The following CCDC171 variants were observed in gnomAD, a reference collection of about 807,000 sequenced individuals.
The protein encoded by CCDC171 is coiled-coil domain-containing protein 171.
CCDC171 carries 177 observed loss-of-function variants against 168.2 expected under a neutral mutation model. The ratio of observed to expected loss-of-function variants is 1.05; its 90% CI spans 0.93 to 1.19. The LOEUF (loss-of-function observed/expected upper bound fraction) is 1.19, where lower values mean the gene tolerates loss of function less well. Among genes scored for constraint, CCDC171 ranks in the 50% most tolerant of loss-of-function variants. The pLI, the probability that CCDC171 is intolerant of heterozygous loss-of-function variation, is 0.00. For missense variants in CCDC171, 1,991 were observed against 1,539.0 expected (o/e 1.29, Z -4.91); for synonymous variants, 687 against 540.8 (o/e 1.27, Z -3.75).
chr9:15,616,820 A>G (rs543865349), intron 6 of CCDC171, among the ~76,000 whole-genome samples: 1 of 152,334 alleles, frequency 6.6e-6, no homozygotes, highest in Non-Finnish European at 1.5e-5. Context: ...GAGATTACAT[A>G]AGGTTGTTCA....
chr9:15,641,910 T>A (rs1236028202), intron 7 of CCDC171, among the ~76,000 whole-genome samples: 1 of 152,190 alleles, frequency 6.6e-6, no homozygotes, highest in African/African-American at 2.4e-5. Flanking sequence ...ACGCCTGTAA[T>A]CCCAGCACTT....
intron 21 of CCDC171, among the ~76,000 whole-genome samples, chr9:15,801,410 T>G (rs2058813678): frequency 6.6e-6 from 1 of 152,072 alleles, no homozygotes; most frequent in Non-Finnish European, 1.5e-5. Flanking sequence ...TTGTTTTATT[T>G]CAGATTGTTT....
At chr9:16,042,168 A>T (rs1564132280), upstream of CCDC171, among the ~76,000 whole-genome samples, 1 of 152,298 alleles carries the variant, frequency 6.6e-6, no homozygotes, top group Middle Eastern at 3.4e-3. Context: ...GCCTCTCTGG[A>T]ATAGTAAGCT....
chr9:16,026,555 A>G (rs564696579), intron 6 of CCDC171, among the ~76,000 whole-genome samples: 1 of 152,116 alleles, frequency 6.6e-6, no homozygotes, highest in East Asian at 1.9e-4. Context: ...TTGATCCTCA[A>G]TACGGAACTT....
upstream of CCDC171, among the ~76,000 whole-genome samples, chr9:16,040,628 G>A (rs184645951): frequency 3.9e-5 from 6 of 152,354 alleles, no homozygotes; most frequent in Middle Eastern, 6.8e-3. Flanking sequence ...GGATCTGTCC[G>A]AGCAGAGGGT....
downstream of CCDC171, among the ~76,000 whole-genome samples, chr9:15,977,537 G>T (rs1434549883): frequency 1.3e-5 from 2 of 152,152 alleles, no homozygotes; most frequent in Non-Finnish European, 2.9e-5. Flanking sequence ...GGCAACAGAA[G>T]CCCTACAACA....
intron 25 of CCDC171, among the ~76,000 whole-genome samples, chr9:15,950,916 A>G (rs1829078851): frequency 6.6e-6 from 1 of 151,478 alleles, no homozygotes; most frequent in Admixed American, 6.6e-5. Context: ...TCAAAATAAA[A>G]GGATGGAGGA....
At chr9:15,856,355 C>T (rs1462478512) in intron 23 of CCDC171, among the ~76,000 whole-genome samples, 2 of 151,906 alleles carry the variant, frequency 1.3e-5, no homozygotes, top group South Asian at 2.1e-4. Flanking sequence ...TGACCCCAGC[C>T]CCTGGTAACC....
At chr9:15,847,449 T>G (rs1460882533) in intron 22 of CCDC171, among the ~76,000 whole-genome samples, 2 of 152,074 alleles carry the variant, frequency 1.3e-5, no homozygotes. Context: ...CTTTTTTATT[T>G]TAAACCAGGT....
intron 7 of CCDC171, among the ~76,000 whole-genome samples, chr9:15,638,435 G>C (rs2046359525): frequency 6.6e-6 from 1 of 152,002 alleles, no homozygotes; most frequent in Admixed American, 6.6e-5. Flanking sequence ...TTAAGTAATT[G>C]TTAGTGGTAT....
intron 25 of CCDC171, among the ~76,000 whole-genome samples, chr9:15,962,857 A>G (rs1221209914): frequency 2.0e-5 from 3 of 151,360 alleles, no homozygotes; most frequent in African/African-American, 7.3e-5. Context: ...ATATGCATGT[A>G]TGTGTGTTTA....
chr9:16,047,148 C>T (rs1340396370), intron 1 of CCDC171, among the ~76,000 whole-genome samples: 1 of 152,184 alleles, frequency 6.6e-6, no homozygotes, highest in Non-Finnish European at 1.5e-5. Flanking sequence ...GTCTGATCTC[C>T]AGCTCAGACC....
intron 11 of CCDC171, among the ~76,000 whole-genome samples, chr9:15,716,596 A>G (rs571444133): frequency 6.6e-6 from 1 of 152,318 alleles, no homozygotes; most frequent in South Asian, 2.1e-4. Context: ...TAATTAATAA[A>G]GAAAGGAGAT....
At chr9:15,631,060 G>A (rs2045643367) in intron 7 of CCDC171, among the ~76,000 whole-genome samples, 1 of 151,902 alleles carries the variant, frequency 6.6e-6, no homozygotes, top group Non-Finnish European at 1.5e-5. Flanking sequence ...ATGCCCACAA[G>A]AGAAAGCCGG....
At chr9:15,584,541 CAGT>C (rs1187400335) in intron 4 of CCDC171, among the ~76,000 whole-genome samples, 4 of 152,144 alleles carry the variant, frequency 2.6e-5, no homozygotes, top group Non-Finnish European at 5.9e-5. Flanking sequence ...CCTGTTTGTT[CAGT>C]AGCATTTCTT....
chr9:15,771,796 A>C (rs559200786), intron 18 of CCDC171, among the ~76,000 whole-genome samples: 1 of 152,266 alleles, frequency 6.6e-6, no homozygotes, highest in South Asian at 2.1e-4. Context: ...TAGTGAATAA[A>C]TGATTAAACT....
intron 21 of CCDC171, among the ~76,000 whole-genome samples, chr9:15,823,425 C>G (rs2059879043): frequency 6.6e-6 from 1 of 151,916 alleles, no homozygotes. Context: ...TCTTCATATA[C>G]TTTACATAAA....
At chr9:15,705,667 G>T (rs2052163741) in intron 11 of CCDC171, among the ~76,000 whole-genome samples, 1 of 152,056 alleles carries the variant, frequency 6.6e-6, no homozygotes, top group Non-Finnish European at 1.5e-5. Context: ...TCTCTCCCTT[G>T]CATGCTCTAC....
intron 1 of CCDC171, among the ~76,000 whole-genome samples, chr9:15,563,076 A>G (rs1026474614): frequency 2.0e-5 from 3 of 151,010 alleles, no homozygotes; most frequent in Middle Eastern, 3.2e-3. Flanking sequence ...CTTGAACTTC[A>G]GTGTCAGAGA....
Sources: gnomAD v4.1 joint callset for allele counts (sites outside exome capture counted in the v4.1 genomes callset) on GRCh38, gnomAD v4.1.1 for gene constraint, MANE v1.5 for transcripts, NCBI Gene and HGNC (gene_info 2026-07-23, HGNC 2026-07-21) for gene names.